CACNA1E: variants seen among roughly 807,000 people sequenced by gnomAD.
CACNA1E encodes the protein voltage-dependent R-type calcium channel subunit alpha-1E.
In CACNA1E, 40 loss-of-function variants were observed where a neutral mutation model predicts 259.2. The ratio of observed to expected loss-of-function variants is 0.15; its 90% confidence interval spans 0.12 to 0.20. CACNA1E has a LOEUF of 0.20. Ranked by LOEUF, CACNA1E falls within the 10% of genes least tolerant of loss-of-function variation. The pLI, the probability that CACNA1E is intolerant of heterozygous loss-of-function variation, is 1.00. For missense variants in CACNA1E, 1,874 were observed against 3,040.1 expected, an observed-to-expected ratio of 0.62 and a Z score of 9.02; for synonymous variants, 1,104 against 1,138.5, an observed-to-expected ratio of 0.97 and a Z score of 0.61.
intron 1 of CACNA1E, among the ~76,000 whole-genome samples, chr1:181,391,542 G>C (rs648063): frequency 1.3e-5 from 2 of 152,190 alleles, no homozygotes; most frequent in South Asian, 2.1e-4. Context: ...GGGCTGTCTG[G>C]GGGGGAAGCT....
intron 1 of CACNA1E, among the ~76,000 whole-genome samples, chr1:181,395,842 T>C (rs1393473161): frequency 6.6e-6 from 1 of 152,234 alleles, no homozygotes; most frequent in Non-Finnish European, 1.5e-5. Context: ...GAGTGATCAA[T>C]TATGTCAAAT....
Position 181,737,557 on chromosome 1 carries a change from T to G in CACNA1E, c.3455T>G (p.Leu1152Arg), listed in dbSNP as rs1656163571. The change falls in exon 23 of 48, where the codon CTG (leucine) becomes CGG (arginine). Residue 1152 changes from leucine to arginine, a missense_variant. Transcript: ENST00000367573. ...IRRACHYIVN[L>R]RYFEMCILLV... ...AGGGCCTGCCACTACATCGTGAACC[T>G]GCGCTACTTTGAGATGTGCATCCTC... 1 of 1,613,896 alleles carries G rather than the reference T, an allele frequency of 6.2e-7. No homozygotes were observed. Among genetic ancestry groups the G allele is most frequent in the South Asian group, 1.1e-5 (1 of 91,090 alleles).
intron 32 of CACNA1E, among the ~76,000 whole-genome samples, chr1:181,760,834 T>C (rs1248241268): frequency 6.6e-6 from 1 of 152,190 alleles, no homozygotes; most frequent in East Asian, 1.9e-4. Context: ...CATATACCAG[T>C]GTTCTAGTCT....
At chr1:181,389,962 C>T (rs927428019) in intron 1 of CACNA1E, among the ~76,000 whole-genome samples, 2 of 152,262 alleles carry the variant, frequency 1.3e-5, no homozygotes, top group Non-Finnish European at 2.9e-5. Context: ...ACTGACGTGG[C>T]TGCAGCCACA....
Position 181,738,322 on chromosome 1 carries a change from G to A in CACNA1E, c.3553-45G>A, listed in dbSNP as rs762511591. ...CAGGTGGGAGCTCATGTAGTAGCCT[G>A]TTGGCCACACATGGTCATTTCCTTC... On this transcript the variant is annotated intron_variant, in intron 23 of 47. Coordinates refer to ENST00000367573, the MANE Select transcript of CACNA1E (RefSeq NM_001205293.3). The A allele has an allele frequency of 5.8e-6, 9 of 1,539,268 alleles. No individual in the cohort carries two copies. In the East Asian group the frequency reaches 2.0e-4, roughly 35 times the overall value.
At chr1:181,514,895 C>T (rs376432002) in intron 3 of CACNA1E, among the ~76,000 whole-genome samples, 4 of 152,220 alleles carry the variant, frequency 2.6e-5, no homozygotes, top group African/African-American at 4.8e-5. Flanking sequence ...GTTTAGAAAG[C>T]GCATTTATGT....
At position 181,799,541 on chromosome 1, in the gene CACNA1E, T is replaced by G. The variant is rs1429379897; in HGVS notation, c.*707T>G. Reference sequence around the variant, plus strand: ...ACAGAACTGGTGGTGCTGGGGGGTATAGCCCCCCATCCTTGAGGCCTGTCA... The same window carrying G: ...ACAGAACTGGTGGTGCTGGGGGGTAGAGCCCCCCATCCTTGAGGCCTGTCA... On this transcript the variant is annotated 3_prime_UTR_variant, in exon 48 of 48. Coordinates refer to ENST00000367573, the MANE Select transcript of CACNA1E (RefSeq NM_001205293.3). 6.5e-6 allele frequency: 1 copy of G among 152,738 alleles called. No individual in the cohort carries two copies. The highest frequency in any genetic ancestry group is 1.5e-5 in the Non-Finnish European group (1 of 68,172). The allele number at this position is 152,738 out of a possible 1,614,324, so 9.5% of individuals were successfully genotyped here.
chr1:181,795,089 T>C, intron 46 of CACNA1E, 45 bp downstream of exon 46: 3 of 1,506,670 alleles, frequency 2.0e-6, no homozygotes, highest in Non-Finnish European at 2.7e-6. Flanking sequence ...GGCAGTGGGC[T>C]CCTGCCCTGA....
rs1382934631 is a variant in CACNA1E, at chr1:181,762,628, A to G, written c.4660A>G (p.Ile1554Val). The change falls in exon 33 of 48, where the codon ATC becomes GTC. Residue 1554 changes from isoleucine (I) to valine (V), a missense_variant. Around this residue, in one of 14 missense-constraint regions of CACNA1E, gnomAD observed 188 missense variants for 540.6 expected, o/e 0.35. Coordinates refer to ENST00000367573, the MANE Select transcript of CACNA1E (RefSeq NM_001205293.3). ...IFDFITVIGS[I>V]TEIILTDSKL... ...TGACTTCATCACCGTGATTGGCAGT[A>G]TCACAGAAATTATCCTGACAGACAG... The G allele has an allele frequency of 4.4e-6, 7 of 1,607,750 alleles. No individual in the cohort carries two copies. Among genetic ancestry groups the G allele is most frequent in the Non-Finnish European group, 6.0e-6 (7 of 1,176,332 alleles).
intron 7 of CACNA1E, among the ~76,000 whole-genome samples, chr1:181,672,521 C>T (rs1229931767): frequency 6.6e-6 from 1 of 152,154 alleles, no homozygotes; most frequent in Non-Finnish European, 1.5e-5. Context: ...TCTAAATTCC[C>T]TCTGTAAACA....
At chr1:181,473,896 T>C (rs1662673446) in intron 2 of CACNA1E, among the ~76,000 whole-genome samples, 1 of 152,240 alleles carries the variant, frequency 6.6e-6, no homozygotes, top group South Asian at 2.1e-4. Flanking sequence ...GTCTTGCTTC[T>C]CTTCCTGTAA....
In CACNA1E at chr1:181,491,046, G is replaced by C. The variant is rs140704708; in HGVS notation, c.266+7036G>C. ...AGGTTGGAAGTTTTTCAAACTTTCT[G>C]TGCCTCTTTCTCAATTTCCACACCA... On this transcript the variant is annotated intron_variant, in intron 1 of 47. Transcript: ENST00000367573. 2.5e-3 allele frequency among the ~76,000 whole-genome samples: 378 copies of C among 152,310 alleles called. 1 individual carries two copies. Among genetic ancestry groups the C allele is most frequent in the African/African-American group, 8.9e-3 (371 of 41,554 alleles).
At chr1:181,779,373 T>C in intron 38 of CACNA1E, 2 of 354,474 alleles carry the variant, frequency 5.6e-6, no homozygotes, top group Non-Finnish European at 1.2e-5. Flanking sequence ...ATCCTCTTCA[T>C]GGCTAAGCTG....
chr1:181,487,515 G>T (rs2102488484), intron 1 of CACNA1E, among the ~76,000 whole-genome samples: 1 of 152,286 alleles, frequency 6.6e-6, no homozygotes, highest in South Asian at 2.1e-4. Flanking sequence ...ATTTTCTTAT[G>T]GCACTTTCCT....
At chr1:181,794,726 A>G (rs1316996839) in intron 45 of CACNA1E, 138 bp from the exon 46 acceptor site, 2 of 668,336 alleles carry the variant, frequency 3.0e-6, no homozygotes, top group East Asian at 2.8e-5. Flanking sequence ...TTTGAGCAAG[A>G]GAGATTCAAG....
At chr1:181,429,448 C>A (rs1659551531) in intron 2 of CACNA1E, among the ~76,000 whole-genome samples, 1 of 152,166 alleles carries the variant, frequency 6.6e-6, no homozygotes, top group African/African-American at 2.4e-5. Flanking sequence ...CTACTTTGAG[C>A]CCTCATCTCC....
At chr1:181,545,351 G>A (rs1647329765) in intron 3 of CACNA1E, among the ~76,000 whole-genome samples, 1 of 152,220 alleles carries the variant, frequency 6.6e-6, no homozygotes, top group Non-Finnish European at 1.5e-5. Context: ...TTGAAATGCA[G>A]TATCTCAAAG....
At chr1:181,407,283 C>A (rs370950535) in intron 1 of CACNA1E, among the ~76,000 whole-genome samples, 1 of 152,120 alleles carries the variant, frequency 6.6e-6, no homozygotes, top group East Asian at 1.9e-4. Context: ...GGTCAGGGAA[C>A]ACTTCCTGGG....
At chr1:181,332,426 C>G (rs916367963) in intron 1 of CACNA1E, among the ~76,000 whole-genome samples, 2 of 152,170 alleles carry the variant, frequency 1.3e-5, no homozygotes, top group South Asian at 4.1e-4. Context: ...TTAAAAGATA[C>G]AAATTGTACC....
Sources: gnomAD v4.1 joint callset for allele counts (sites outside exome capture counted in the v4.1 genomes callset) on GRCh38, gnomAD v4.1.1 for gene constraint, gnomAD v4.1.1 regional missense constraint, MANE v1.5 for transcripts, NCBI Gene and HGNC (gene_info 2026-07-23, HGNC 2026-07-21) for gene names.